The following PAQR3 variants were observed in gnomAD, a reference collection of about 807,000 sequenced individuals.
PAQR3 encodes progestin and adipoQ receptor family member 3.
In PAQR3, 39 loss-of-function variants were observed where a neutral mutation model predicts 41.7. That is an observed-to-expected ratio of 0.93 (90% CI 0.72 to 1.22). PAQR3 has a LOEUF of 1.22. Ranked by LOEUF, PAQR3 falls within the 50% of genes most tolerant of loss-of-function variation. PAQR3 has a pLI of 0.00. For missense variants in PAQR3, 366 were observed against 385.6 expected (o/e 0.95, Z 0.42); for synonymous variants, 140 against 140.6 (o/e 1.00, Z 0.03).
At chr4:78,935,039 A>T in intron 2 of PAQR3, 82 bp downstream of exon 2, 2 of 1,303,510 alleles carry the variant, frequency 1.5e-6, no homozygotes, top group African/African-American at 1.5e-5. Context: ...AGCAAGTGGT[A>T]GGTCTGAGGT....
chr4:78,934,103 AG>A (rs146635059), intron 2 of PAQR3, among the ~76,000 whole-genome samples: 9,537 of 152,316 alleles, frequency 0.063, 402 homozygotes, highest in East Asian at 0.22. Context: ...TTATTTTTAA[AG>A]AATATTTGAA....
At chr4:78,887,242 C>A (rs1182002864) in exon 13 of PAQR3, 2 of 1,611,484 alleles carry the variant, frequency 1.2e-6, no homozygotes, top group South Asian at 2.2e-5. Context: ...TAACCATCCT[C>A]CAGAAGATCC....
At chr4:78,922,134 A>T in intron 5 of PAQR3, 1 of 1,032,524 alleles carries the variant, frequency 9.7e-7, no homozygotes, top group Non-Finnish European at 1.2e-6. Context: ...ACAAAAATAT[A>T]TTTTACCAGA....
Position 78,914,690 on chromosome 4 carries a change from A to G in PAQR3, c.*5849T>C, listed in dbSNP as rs1263155096. ...TTCAATTCTGGTTTAAGGAAGGAAG[A>G]AAGGTTATTATATATGTACCACTAA... On this transcript the variant is annotated 3_prime_UTR_variant, in exon 6 of 6. Transcript: ENST00000512733. 6.7e-6 allele frequency: 1 copy of G among 149,284 alleles called. No individual in the cohort carries two copies. The highest frequency in any genetic ancestry group is 2.5e-5 in the African/African-American group (1 of 40,230). The allele number at this position is 149,284 out of a possible 1,614,324, so 9.2% of individuals were successfully genotyped here.
downstream of PAQR3, chr4:78,910,471 A>C: frequency 9.7e-6 from 7 of 721,914 alleles, no homozygotes; most frequent in Non-Finnish European, 1.5e-5. Context: ...AATGACGAAG[A>C]ATTGACAACA....
intron 11 of PAQR3, among the ~76,000 whole-genome samples, chr4:78,904,598 C>T (rs1054336322): frequency 1.3e-5 from 2 of 151,902 alleles, no homozygotes; most frequent in Non-Finnish European, 1.5e-5. Flanking sequence ...GAATTTAGCT[C>T]TGAATGAATT....
Position 78,918,600 on chromosome 4 carries a change from A to G in PAQR3, c.*1939T>C. 1.0e-6 allele frequency: 1 copy of G among 969,412 alleles called. No homozygotes were observed. 60.1% of individuals were successfully genotyped at this position (969,412 alleles called of 1,614,324 possible). A position where few individuals can be genotyped will look rare whatever the true frequency, so the allele number is the denominator to read the frequency against. Reference sequence around the variant, plus strand: ...ACCCTTTAAATTCAAAGAAACACGGATTTAAAAACACAGTATACTCTTTTC... The same window carrying G: ...ACCCTTTAAATTCAAAGAAACACGGGTTTAAAAACACAGTATACTCTTTTC... On this transcript the variant is annotated 3_prime_UTR_variant, in exon 6 of 6. Coordinates refer to ENST00000512733, the MANE Select transcript of PAQR3 (RefSeq NM_001040202.2).
In PAQR3 at chr4:78,915,867, CTT is replaced by C. The variant is rs1577997650; in HGVS notation, c.*4670_*4671del. The C allele has an allele frequency of 6.6e-6, 1 of 151,816 alleles. No individual in the cohort carries two copies. Among genetic ancestry groups the C allele is most frequent in the South Asian group, 2.1e-4 (1 of 4,828 alleles). 9.4% of individuals were successfully genotyped at this position (151,816 alleles called of 1,614,324 possible). A position where few individuals can be genotyped will look rare whatever the true frequency, so the allele number is the denominator to read the frequency against. On this transcript the variant is annotated 3_prime_UTR_variant, in exon 6 of 6. Coordinates refer to ENST00000512733, the MANE Select transcript of PAQR3 (RefSeq NM_001040202.2). ...AAAGAATTGTTTTTATGACTATGCT[CTT>C]TTTGTGATTGAAAAGTCATCTAATA...
intron 1 of PAQR3, among the ~76,000 whole-genome samples, chr4:78,935,576 T>C (rs1167911666): frequency 1.3e-5 from 2 of 152,224 alleles, no homozygotes; most frequent in Non-Finnish European, 2.9e-5. Flanking sequence ...TTCCAGCCTA[T>C]CAATTCCCTA....
At chr4:78,929,322 A>G (rs1402563276) in intron 3 of PAQR3, among the ~76,000 whole-genome samples, 4 of 152,238 alleles carry the variant, frequency 2.6e-5, no homozygotes, top group Non-Finnish European at 4.4e-5. Context: ...AAACAAGGGC[A>G]TGGTAGAAAA....
rs1735147711 is a variant in PAQR3 at position 78,917,049 on chromosome 4, T to A, written c.*3490A>T. 1 of 151,906 alleles carries A rather than the reference T, an allele frequency of 6.6e-6. No individual in the cohort carries two copies. Among genetic ancestry groups the A allele is most frequent in the Non-Finnish European group, 1.5e-5 (1 of 67,876 alleles). The allele number at this position is 151,906 out of a possible 1,614,324, so 9.4% of individuals were successfully genotyped here. ...GTACAAAGCAAAATAACACAAATGA[T>A]TAGAAAAGTTCTATTAACAAAGAAT... On this transcript the variant is annotated 3_prime_UTR_variant, in exon 6 of 6. Transcript: ENST00000512733.
In PAQR3 at chr4:78,919,870, C is replaced by T; in HGVS notation, c.*669G>A. ...CTTGTACTTAGTTTCTAATGTGATT[C>T]TTATCTGATAGAAAATGAGAAGTTC... On this transcript the variant is annotated 3_prime_UTR_variant, in exon 6 of 6. Transcript: ENST00000512733. 1 of 985,130 alleles carries T rather than the reference C, an allele frequency of 1.0e-6. No individual in the cohort carries two copies. The highest frequency in any genetic ancestry group is 1.2e-6 in the Non-Finnish European group (1 of 829,488). 61.0% of individuals were successfully genotyped at this position (985,130 alleles called of 1,614,324 possible).
At chr4:78,891,925 G>C (rs963215061) in intron 11 of PAQR3, among the ~76,000 whole-genome samples, 3 of 152,154 alleles carry the variant, frequency 2.0e-5, no homozygotes, top group Non-Finnish European at 4.4e-5. Context: ...GATGAGACTA[G>C]TGGGAAATGC....
At chr4:78,897,739 C>G (rs945738406) in intron 11 of PAQR3, among the ~76,000 whole-genome samples, 1 of 152,134 alleles carries the variant, frequency 6.6e-6, no homozygotes, top group Non-Finnish European at 1.5e-5. Context: ...CTTCTACCTT[C>G]TAATTTCCCA....
At chr4:78,911,147 G>A (rs769519712), downstream of PAQR3, 39 of 1,613,794 alleles carry the variant, frequency 2.4e-5, no homozygotes, top group Admixed American at 3.5e-4. Context: ...TTTGCAGTGC[G>A]TGCTCAACAG....
At position 78,935,257 on chromosome 4, in the gene PAQR3, A is replaced by T; in HGVS notation, c.212T>A (p.Val71Glu). 6.2e-7 allele frequency: 1 copy of T among 1,612,898 alleles called. No individual in the cohort carries two copies. The highest frequency in any genetic ancestry group is 1.1e-5 in the South Asian group (1 of 90,760). Residue 71 changes from valine to glutamate, a missense_variant, in exon 2 of 6, where the codon GTA (valine) becomes GAA (glutamate). Coordinates refer to ENST00000512733, the MANE Select transcript of PAQR3 (RefSeq NM_001040202.2). Reference protein sequence around the residue: ...KSLFILSNETVNIWSHLLGFF... With the variant: ...KSLFILSNETENIWSHLLGFF... ...ACCCAGCAAATGACTCCAGATGTTT[A>T]CTGTCTCATTAGATAAAATAAACAA...
At chr4:78,911,684 G>T (rs1011274561), downstream of PAQR3, 5 of 1,613,804 alleles carry the variant, frequency 3.1e-6, no homozygotes, top group African/African-American at 5.3e-5. Context: ...GAGAACATTA[G>T]TGTTGCACTG....
chr4:78,916,698 C>T lies in PAQR3; in HGVS notation c.*3841G>A, dbSNP rs1041738572. On this transcript the variant is annotated 3_prime_UTR_variant, in exon 6 of 6. Transcript: ENST00000512733. Reference sequence around the variant, plus strand: ...GCCTTCTGAATAACTTATTTTACAGCTTCCACATTATAAATTTTTAAAAAT... The same window carrying T: ...GCCTTCTGAATAACTTATTTTACAGTTTCCACATTATAAATTTTTAAAAAT... The T allele has an allele frequency of 6.6e-6, 1 of 151,972 alleles. No homozygotes were observed. Among genetic ancestry groups the T allele is most frequent in the African/African-American group, 2.4e-5 (1 of 41,524 alleles). 9.4% of individuals were successfully genotyped at this position (151,972 alleles called of 1,614,324 possible). A position where few individuals can be genotyped will look rare whatever the true frequency, so the allele number is the denominator to read the frequency against.
intron 4 of PAQR3, 142 bp from the exon 5 acceptor site, chr4:78,924,089 A>C: frequency 1.5e-6 from 1 of 665,778 alleles, no homozygotes; most frequent in African/African-American, 1.8e-5. Context: ...CCTTGTCCTC[A>C]CATGCAGGAA....
Sources: gnomAD v4.1 joint callset for allele counts (sites outside exome capture counted in the v4.1 genomes callset) on GRCh38, gnomAD v4.1.1 for gene constraint, MANE v1.5 for transcripts, NCBI Gene and HGNC (gene_info 2026-07-23, HGNC 2026-07-21) for gene names.